Variants in GPC5 observed in about 807,000 individuals in gnomAD.
GPC5 encodes the protein glypican 5, also known as glypican-5.
A neutral mutation model predicts 53.9 loss-of-function variants in GPC5; 47 were observed. That is an observed-to-expected ratio of 0.87 (90% confidence interval 0.69 to 1.11). GPC5 has a LOEUF of 1.11. GPC5 is among the 50% of genes most tolerant of loss of function. The pLI is 0.00. For missense variants in GPC5, 748 were observed against 713.1 expected (o/e 1.05, Z -0.56); for synonymous variants, 286 against 263.3 (o/e 1.09, Z -0.84).
At chr13:92,819,905 ATT>A (rs1566431928) in intron 7 of GPC5, among the ~76,000 whole-genome samples, 1 of 151,998 alleles carries the variant, frequency 6.6e-6, no homozygotes, top group Non-Finnish European at 1.5e-5. Flanking sequence ...GAAAAAAAAT[ATT>A]TTTTTCTGAA....
intron 5 of GPC5, among the ~76,000 whole-genome samples, chr13:91,890,659 G>C (rs543211540): frequency 6.6e-6 from 1 of 152,278 alleles, no homozygotes; most frequent in South Asian, 2.1e-4. Context: ...TATTCTGTTA[G>C]GAGTTGTCCT....
intron 7 of GPC5, among the ~76,000 whole-genome samples, chr13:92,380,284 C>T (rs1388547258): frequency 6.6e-6 from 1 of 152,106 alleles, no homozygotes; most frequent in Non-Finnish European, 1.5e-5. Context: ...AGAGGCAACC[C>T]TCTCCATCCC....
chr13:92,145,395 T>A (rs1273908609), intron 7 of GPC5, among the ~76,000 whole-genome samples: 2 of 152,146 alleles, frequency 1.3e-5, no homozygotes, highest in Non-Finnish European at 2.9e-5. Flanking sequence ...TTATTGCACT[T>A]CTATCATAGT....
At chr13:92,242,012 TG>T (rs2042615757) in intron 7 of GPC5, 1 of 152,278 alleles carries the variant, frequency 6.6e-6, no homozygotes, top group African/African-American at 2.4e-5. Flanking sequence ...GCAGGCAGAT[TG>T]CCTGAGGTCA....
In GPC5 at chr13:91,685,649, A is replaced by G. The variant is rs556202947; in HGVS notation, c.326-7538A>G. Among the ~76,000 whole-genome samples, 12 of 152,316 alleles carry G rather than the reference A, an allele frequency of 7.9e-5. No homozygotes were observed. In the East Asian group the frequency reaches 1.7e-3, roughly 22 times the overall value. On this transcript the variant is annotated intron_variant, in intron 2 of 7. Transcript: ENST00000377067. ...TGTAGATTCTAAGCTTTATAAGGAC[A>G]GAAACTTGTATGGCTTATTCAGTTT...
intron 7 of GPC5, chr13:92,340,469 C>T (rs947807872): frequency 6.6e-6 from 1 of 152,088 alleles, no homozygotes; most frequent in African/African-American, 2.4e-5. Context: ...AGTGATCTTC[C>T]AGCTCCAGCC....
chr13:91,554,872 C>G (rs987407341), intron 2 of GPC5, among the ~76,000 whole-genome samples: 5 of 152,080 alleles, frequency 3.3e-5, no homozygotes, highest in African/African-American at 1.2e-4. Context: ...GGCGGAAGCC[C>G]TAACAATCCT....
At chr13:92,681,393 C>CT (rs1213298171) in intron 7 of GPC5, among the ~76,000 whole-genome samples, 1 of 151,720 alleles carries the variant, frequency 6.6e-6, no homozygotes, top group Non-Finnish European at 1.5e-5. Flanking sequence ...CCTCTGTCAC[C>CT]TTTTTAGGAA....
At chr13:92,425,825 T>C (rs1415420303) in intron 7 of GPC5, among the ~76,000 whole-genome samples, 3 of 152,140 alleles carry the variant, frequency 2.0e-5, no homozygotes, top group African/African-American at 4.8e-5. Context: ...AGCTATTTTG[T>C]AGTTTATATG....
At chr13:92,160,974 A>G (rs530859932) in intron 7 of GPC5, among the ~76,000 whole-genome samples, 1 of 152,070 alleles carries the variant, frequency 6.6e-6, no homozygotes, top group Non-Finnish European at 1.5e-5. Context: ...AATCTTGTAA[A>G]GTATGGTTCT....
intron 7 of GPC5, among the ~76,000 whole-genome samples, chr13:92,574,097 T>C (rs944029291): frequency 1.3e-5 from 2 of 152,194 alleles, no homozygotes; most frequent in African/African-American, 4.8e-5. Context: ...CTGCACCTTG[T>C]AGTTATGTTA....
chr13:92,019,918 A>G (rs1424566048), intron 6 of GPC5, among the ~76,000 whole-genome samples: 1 of 152,106 alleles, frequency 6.6e-6, no homozygotes, highest in Admixed American at 6.5e-5. Context: ...TTAAAACAAC[A>G]AATTATTATC....
intron 6 of GPC5, among the ~76,000 whole-genome samples, chr13:92,137,177 G>A (rs1172376805): frequency 6.6e-6 from 1 of 152,058 alleles, no homozygotes; most frequent in Non-Finnish European, 1.5e-5. Context: ...GCTTTCCCAT[G>A]TATTATTATT....
At chr13:92,636,532 A>C (rs2139141537) in intron 7 of GPC5, among the ~76,000 whole-genome samples, 1 of 152,290 alleles carries the variant, frequency 6.6e-6, no homozygotes, top group South Asian at 2.1e-4. Context: ...GCAGAAGCAG[A>C]AAATTACTTT....
At chr13:92,300,149 C>A (rs1224798143) in intron 7 of GPC5, among the ~76,000 whole-genome samples, 1 of 152,156 alleles carries the variant, frequency 6.6e-6, no homozygotes, top group East Asian at 1.9e-4. Context: ...TTTCCATTTG[C>A]AGACTATAGA....
intron 7 of GPC5, among the ~76,000 whole-genome samples, chr13:92,367,786 C>T (rs952212758): frequency 1.3e-5 from 2 of 152,138 alleles, no homozygotes; most frequent in African/African-American, 4.8e-5. Context: ...AACACAATTT[C>T]CCTTGAGTGT....
intron 7 of GPC5, among the ~76,000 whole-genome samples, chr13:92,258,785 A>G (rs922533101): frequency 9.2e-5 from 14 of 152,090 alleles, no homozygotes; most frequent in South Asian, 8.3e-4. Context: ...TTTATCCATT[A>G]AATTGATGAA....
At chr13:92,162,207 CACTT>C (rs1446688551) in intron 7 of GPC5, among the ~76,000 whole-genome samples, 5 of 151,840 alleles carry the variant, frequency 3.3e-5, no homozygotes, top group Non-Finnish European at 4.4e-5. Flanking sequence ...AAATTAGAGT[CACTT>C]ACAGCTTCTT....
intron 7 of GPC5, among the ~76,000 whole-genome samples, chr13:92,520,282 G>T (rs905330636): frequency 1.3e-5 from 2 of 152,218 alleles, no homozygotes; most frequent in East Asian, 3.9e-4. Context: ...CATTTTAAGA[G>T]GCCAGCATCA....
Sources: allele counts gnomAD v4.1 joint callset (sites outside exome capture counted in the v4.1 genomes callset), GRCh38; gene constraint gnomAD v4.1.1; transcripts MANE v1.5; gene names NCBI Gene and HGNC (gene_info 2026-07-23, HGNC 2026-07-21).